STX2: variants seen among roughly 807,000 people sequenced by gnomAD.
The protein encoded by STX2 is syntaxin 2, also known as syntaxin-2.
A neutral mutation model predicts 40.6 loss-of-function variants in STX2; 27 were observed. The ratio of observed to expected loss-of-function variants is 0.66; its 90% CI spans 0.49 to 0.92. The LOEUF (loss-of-function observed/expected upper bound fraction) is 0.92. Ranked by LOEUF, STX2 falls within the 40% of genes least tolerant of loss-of-function variation. The probability of loss-of-function intolerance (pLI) is 0.00; values close to 1 mark genes in which losing one functional copy is unlikely to be tolerated. For missense variants in STX2, 328 were observed against 366.1 expected (o/e 0.90, Z 0.85); for synonymous variants, 123 against 119.1 (o/e 1.03, Z -0.22).
chr12:130,789,815 T>A lies in STX2; in HGVS notation c.*2208A>T, dbSNP rs1428275917. On this transcript the variant is annotated 3_prime_UTR_variant, in exon 11 of 11. Transcript: ENST00000392373. Reference sequence around the variant, plus strand: ...CAAATCGGTACATGAGGCTTAGACATACACATCATTGGACAAGTGACTTAA... The same window carrying A: ...CAAATCGGTACATGAGGCTTAGACAAACACATCATTGGACAAGTGACTTAA... 1.3e-5 allele frequency: 2 copies of A among 152,636 alleles called. No homozygotes were observed. The highest frequency in any genetic ancestry group is 4.8e-5 in the African/African-American group (2 of 41,458). 9.5% of individuals were successfully genotyped at this position (152,636 alleles called of 1,614,324 possible).
At chr12:130,831,307 T>A (rs1161147448) in intron 1 of STX2, among the ~76,000 whole-genome samples, 1 of 152,240 alleles carries the variant, frequency 6.6e-6, no homozygotes, top group Non-Finnish European at 1.5e-5. Flanking sequence ...CTAGAATACT[T>A]TGACTTACTT....
intron 10 of STX2, among the ~76,000 whole-genome samples, chr12:130,792,552 C>A (rs529550801): frequency 9.2e-5 from 14 of 152,318 alleles, no homozygotes; most frequent in Admixed American, 7.2e-4. Flanking sequence ...CAAACACATC[C>A]TCCTGGACTC....
chr12:130,790,558 T>C lies in STX2; in HGVS notation c.*1465A>G, dbSNP rs956822419. 2.6e-5 allele frequency: 4 copies of C among 152,238 alleles called. No homozygotes were observed. Among genetic ancestry groups the C allele is most frequent in the Non-Finnish European group, 5.9e-5 (4 of 68,044 alleles). The allele number at this position is 152,238 out of a possible 1,614,324, so 9.4% of individuals were successfully genotyped here. On this transcript the variant is annotated 3_prime_UTR_variant, in exon 11 of 11. Transcript: ENST00000392373. ...AAAAATGAGCAATAAAAAGGTTTAA[T>C]TATCATGAATCCCTATACATTTTGG...
intron 1 of STX2, among the ~76,000 whole-genome samples, chr12:130,838,633 G>A (rs369737840): frequency 6.6e-6 from 1 of 152,298 alleles, no homozygotes; most frequent in African/African-American, 2.4e-5. Flanking sequence ...CCTGCTCCCC[G>A]GGGCTGACGC....
At chr12:130,810,495 A>C (rs536930079) in intron 4 of STX2, 1 of 152,340 alleles carries the variant, frequency 6.6e-6, no homozygotes, top group East Asian at 1.9e-4. Context: ...ACACAGGAGC[A>C]GGGCTTCCTG....
intron 1 of STX2, among the ~76,000 whole-genome samples, chr12:130,837,823 G>C (rs1412245372): frequency 6.6e-6 from 1 of 152,204 alleles, no homozygotes; most frequent in Non-Finnish European, 1.5e-5. Context: ...AGATGATATT[G>C]ATCTGCGGAA....
chr12:130,825,192 A>G (rs1196782521), intron 2 of STX2, among the ~76,000 whole-genome samples: 3 of 152,086 alleles, frequency 2.0e-5, no homozygotes. Context: ...ACTTGCCATC[A>G]TGCCTGGCTA....
intron 3 of STX2, among the ~76,000 whole-genome samples, chr12:130,819,387 G>C (rs989533399): frequency 1.6e-5 from 2 of 127,092 alleles, no homozygotes; most frequent in African/African-American, 5.9e-5. Flanking sequence ...GCGTTACCCC[G>C]GGCCCATCAC....
intron 3 of STX2, 128 bp downstream of exon 3, chr12:130,821,561 C>G (rs1397107782): frequency 1.3e-6 from 1 of 761,342 alleles, no homozygotes; most frequent in Admixed American, 2.4e-5. Context: ...CTCAGACTCT[C>G]TAGGGTGTCA....
intron 3 of STX2, among the ~76,000 whole-genome samples, chr12:130,813,481 G>A (rs182934084): frequency 2.0e-5 from 3 of 152,320 alleles, no homozygotes; most frequent in African/African-American, 7.2e-5. Context: ...GCTGTCAGCT[G>A]TCTCCCCAAA....
At chr12:130,795,446 T>C (rs1593109396) in intron 10 of STX2, among the ~76,000 whole-genome samples, 1 of 152,160 alleles carries the variant, frequency 6.6e-6, no homozygotes, top group East Asian at 1.9e-4. Flanking sequence ...TGGTCTTAGA[T>C]CAAAAACAAA....
intron 1 of STX2, among the ~76,000 whole-genome samples, chr12:130,833,978 A>C (rs1328924583): frequency 6.6e-6 from 1 of 152,172 alleles, no homozygotes; most frequent in Admixed American, 6.5e-5. Flanking sequence ...GTGCAGGAAA[A>C]AACAGGACTG....
intron 2 of STX2, 110 bp downstream of exon 2, chr12:130,827,083 G>T (rs1462228435): frequency 1.8e-6 from 1 of 559,020 alleles, no homozygotes; most frequent in Non-Finnish European, 3.2e-6. Flanking sequence ...GGGAGGGGTG[G>T]GGAGGGGAGG....
chr12:130,818,185 A>AAATAT, intron 3 of STX2, among the ~76,000 whole-genome samples: 8 of 70,546 alleles, frequency 1.1e-4, no homozygotes, highest in South Asian at 7.4e-4. Context: ...AAAAAAAAAA[A>AAATAT]ATATATATAT....
intron 3 of STX2, among the ~76,000 whole-genome samples, chr12:130,817,374 A>T (rs1951898982): frequency 6.6e-6 from 1 of 152,206 alleles, no homozygotes; most frequent in Non-Finnish European, 1.5e-5. Flanking sequence ...AGAGAAATCA[A>T]ACGATAAGTC....
At chr12:130,827,154 G>C in intron 2 of STX2, 39 bp downstream of exon 2, 1 of 1,493,832 alleles carries the variant, frequency 6.7e-7, no homozygotes, top group Non-Finnish European at 9.3e-7. Context: ...GGGAGGACAG[G>C]TAGGCAGGCT....
intron 3 of STX2, among the ~76,000 whole-genome samples, chr12:130,818,185 AATATATATAT>A (rs1168152790): frequency 0.079 from 5,538 of 70,250 alleles, 386 homozygotes; most frequent in Middle Eastern, 0.11. Flanking sequence ...AAAAAAAAAA[AATATATATAT>A]ATATATATAT....
At chr12:130,831,370 A>G (rs1051935530) in intron 1 of STX2, among the ~76,000 whole-genome samples, 91 of 152,394 alleles carry the variant, frequency 6.0e-4, no homozygotes, top group African/African-American at 2.1e-3. Context: ...GTAATTAAAC[A>G]TAGGTAAAAG....
intron 10 of STX2, among the ~76,000 whole-genome samples, chr12:130,794,901 G>A (rs1447444532): frequency 2.0e-5 from 3 of 152,190 alleles, no homozygotes; most frequent in Non-Finnish European, 4.4e-5. Flanking sequence ...GTTCACAACT[G>A]TCTAATACAA....
Sources: gnomAD v4.1 joint callset for allele counts (sites outside exome capture counted in the v4.1 genomes callset) on GRCh38, gnomAD v4.1.1 for gene constraint, MANE v1.5 for transcripts, NCBI Gene and HGNC (gene_info 2026-07-23, HGNC 2026-07-21) for gene names.